Variants in IGFL4 observed in about 807,000 individuals in gnomAD.
IGFL4 encodes insulin growth factor-like family member 4.
In IGFL4, 12 loss-of-function variants were observed where a neutral mutation model predicts 15.4. The observed-to-expected ratio is 0.78, with a 90% CI of 0.50 to 1.26. The LOEUF (loss-of-function observed/expected upper bound fraction) is 1.26, where lower values mean the gene tolerates loss of function less well. IGFL4 is among the 50% of genes most tolerant of loss of function. The probability of loss-of-function intolerance (pLI) is 0.00; values close to 1 mark genes in which losing one functional copy is unlikely to be tolerated. For missense variants in IGFL4, 126 were observed against 147.8 expected (o/e 0.85, Z 0.76); for synonymous variants, 54 against 55.9 (o/e 0.97, Z 0.16).
At chr19:46,052,792 C>G (rs183510924) in intron 2 of IGFL4, among the ~76,000 whole-genome samples, 3 of 149,502 alleles carry the variant, frequency 2.0e-5, no homozygotes, top group Non-Finnish European at 4.4e-5. Flanking sequence ...GACATGAAAA[C>G]TATTAACACA....
chr19:46,040,922 C>T lies in IGFL4; in HGVS notation c.19+22G>A. 1.3e-6 allele frequency: 2 copies of T among 1,585,660 alleles called. No individual in the cohort carries two copies. The highest frequency in any genetic ancestry group is 1.7e-6 in the Non-Finnish European group (2 of 1,165,246). On this transcript the variant is annotated intron_variant, in intron 1 of 3. Coordinates refer to ENST00000377697, the MANE Select transcript of IGFL4 (RefSeq NM_001002923.3). This position sits in a 1 kb window ranked among gnomAD's most constrained non-coding sequence, Gnocchi z 4.1. ...GTGATATCATTAGGGATTAGCTTAG[C>T]CTAGGGCTGGGGTCTCCTTACCAGA... is the stretch of plus-strand genomic sequence containing the variant.
At chr19:46,070,145 A>AT (rs11412709) in intron 1 of IGFL4, among the ~76,000 whole-genome samples, 95,986 of 148,530 alleles carry the variant, frequency 0.65, 31,352 homozygotes, top group African/African-American at 0.75. Context: ...AATCTCTAAG[A>AT]TTTTTTTTTT....
chr19:46,053,874 T>A (rs755222616), intron 2 of IGFL4, among the ~76,000 whole-genome samples: 3 of 152,194 alleles, frequency 2.0e-5, no homozygotes, highest in Non-Finnish European at 4.4e-5. Context: ...TGATTAGTGA[T>A]GTTGAGTAGT....
intron 2 of IGFL4, among the ~76,000 whole-genome samples, chr19:46,050,035 C>T (rs983064353): frequency 2.0e-5 from 3 of 152,264 alleles, no homozygotes; most frequent in African/African-American, 7.2e-5. Flanking sequence ...TCCTGTAGCT[C>T]CACTGAGTGG....
chr19:46,068,177 A>G (rs1033028546), intron 1 of IGFL4, among the ~76,000 whole-genome samples: 1 of 152,158 alleles, frequency 6.6e-6, no homozygotes, highest in African/African-American at 2.4e-5. Flanking sequence ...TCTTCAACCA[A>G]TTCCGCCACC....
At chr19:46,073,618 CA>C (rs555624983) in intron 1 of IGFL4, among the ~76,000 whole-genome samples, 194 of 152,302 alleles carry the variant, frequency 1.3e-3, no homozygotes, top group African/African-American at 4.5e-3. Context: ...TGAACTGGCA[CA>C]GTCTCTGCTA....
chr19:46,065,191 T>C (rs1395559916), intron 1 of IGFL4, among the ~76,000 whole-genome samples: 3 of 151,096 alleles, frequency 2.0e-5, no homozygotes, highest in Non-Finnish European at 4.4e-5. Context: ...TTGTGGTTAC[T>C]AATTTTTCTT....
At chr19:46,070,945 C>T (rs1969540028) in intron 1 of IGFL4, among the ~76,000 whole-genome samples, 1 of 152,074 alleles carries the variant, frequency 6.6e-6, no homozygotes, top group African/African-American at 2.4e-5. Flanking sequence ...CACCAGGTGA[C>T]CCCAGGTGAT....
upstream of IGFL4, chr19:46,041,061 G>A (rs1237222486): frequency 1.8e-6 from 2 of 1,123,854 alleles, no homozygotes; most frequent in Non-Finnish European, 2.5e-6. Flanking sequence ...CCGCCATTTA[G>A]GGAGGTGTGC....
intron 2 of IGFL4, among the ~76,000 whole-genome samples, chr19:46,054,505 C>T (rs1969375819): frequency 6.6e-6 from 1 of 152,182 alleles, no homozygotes; most frequent in African/African-American, 2.4e-5. Context: ...TTGGTTACGA[C>T]AGCTTCGTAG....
chr19:46,074,581 C>T (rs918820802), intron 1 of IGFL4, among the ~76,000 whole-genome samples: 7 of 152,148 alleles, frequency 4.6e-5, no homozygotes, highest in Non-Finnish European at 7.4e-5. Context: ...TATTTGAGAA[C>T]TTGGAGTCCG....
intron 1 of IGFL4, among the ~76,000 whole-genome samples, chr19:46,067,775 G>T (rs1238803465): frequency 6.6e-6 from 1 of 152,086 alleles, no homozygotes; most frequent in Non-Finnish European, 1.5e-5. Flanking sequence ...ACCCACATCT[G>T]ATCTATCCCT....
intron 1 of IGFL4, among the ~76,000 whole-genome samples, chr19:46,072,257 G>A (rs898422768): frequency 2.0e-5 from 3 of 152,206 alleles, no homozygotes; most frequent in Non-Finnish European, 1.5e-5. Context: ...CAACGGAAGT[G>A]CAAGTAGCAA....
Position 46,039,866 on chromosome 19 carries a change from C to CT in IGFL4, c.*25dup. On this transcript the variant is annotated 3_prime_UTR_variant, in exon 4 of 4. Coordinates refer to ENST00000377697, the MANE Select transcript of IGFL4 (RefSeq NM_001002923.3). ...ACCAAGTATTAGATTCTAGAGTGAT[C>CT]TGTGACTCTGCTACCCCAGAACAGT... The CT allele has an allele frequency of 6.3e-7, 1 of 1,578,488 alleles. No individual in the cohort carries two copies. Among genetic ancestry groups the CT allele is most frequent in the Non-Finnish European group, 8.7e-7 (1 of 1,147,672 alleles).
upstream of IGFL4, among the ~76,000 whole-genome samples, chr19:46,041,837 CTTTTTTTT>C (rs11334515): frequency 9.1e-6 from 1 of 109,870 alleles, no homozygotes; most frequent in Non-Finnish European, 1.9e-5. Context: ...TCCTCTCTCT[CTTTTTTTT>C]TTTTTTTTTT....
chr19:46,056,445 C>T (rs540976932), intron 2 of IGFL4, among the ~76,000 whole-genome samples: 1 of 152,328 alleles, frequency 6.6e-6, no homozygotes, highest in East Asian at 1.9e-4. Context: ...TTCAATTATT[C>T]TCCAATTCCA....
At chr19:46,073,463 C>T (rs1969565388) in intron 1 of IGFL4, among the ~76,000 whole-genome samples, 1 of 152,106 alleles carries the variant, frequency 6.6e-6, no homozygotes, top group Non-Finnish European at 1.5e-5. Context: ...AGCCTTGGGG[C>T]CCTAGCAGAA....
At position 46,039,492 on chromosome 19, in the gene IGFL4, A is replaced by T. The variant is rs1262876048; in HGVS notation, c.*400T>A. Among the ~76,000 whole-genome samples the T allele has an allele frequency of 1.7e-5, 2 of 120,356 alleles. No individual in the cohort carries two copies. The highest frequency in any genetic ancestry group is 2.3e-4 in the East Asian group (1 of 4,270). 79.0% of individuals were successfully genotyped at this position (120,356 alleles called of 152,430 possible). A position where few individuals can be genotyped will look rare whatever the true frequency, so the allele number is the denominator to read the frequency against. On this transcript the variant is annotated 3_prime_UTR_variant, in exon 4 of 4. Transcript: ENST00000377697. ...GTAAATTACCTTGGGCAGTATGGCC[A>T]TTTTCACGATATTGATTCTTCCTAC...
intron 2 of IGFL4, among the ~76,000 whole-genome samples, chr19:46,051,611 T>A (rs1165147350): frequency 6.6e-6 from 1 of 152,058 alleles, no homozygotes; most frequent in East Asian, 1.9e-4. Flanking sequence ...AGTATTGAGA[T>A]GTGAGAATAG....
Sources: allele counts gnomAD v4.1 joint callset (sites outside exome capture counted in the v4.1 genomes callset), GRCh38; gene constraint gnomAD v4.1.1; non-coding constraint Gnocchi (gnomAD v3.1); transcripts MANE v1.5; gene names NCBI Gene and HGNC (gene_info 2026-07-23, HGNC 2026-07-21).